The following PRMT3 variants were observed in gnomAD, a reference collection of about 807,000 sequenced individuals.
PRMT3 encodes the protein protein arginine N-methyltransferase 3.
PRMT3 carries 62 observed loss-of-function variants against 71.9 expected under a neutral mutation model. The ratio of observed to expected loss-of-function variants is 0.86; its 90% CI spans 0.70 to 1.07. PRMT3 has a LOEUF of 1.07. Ranked by LOEUF, PRMT3 falls within the 50% of genes least tolerant of loss-of-function variation. The pLI is 0.00. For synonymous variants in PRMT3, 213 were observed against 220.4 expected (o/e 0.97, Z 0.30); for missense variants, 663 against 643.0 (o/e 1.03, Z -0.34).
At chr11:20,436,810 G>C (rs1849771370) in intron 10 of PRMT3, among the ~76,000 whole-genome samples, 1 of 152,092 alleles carries the variant, frequency 6.6e-6, no homozygotes, top group Non-Finnish European at 1.5e-5. Flanking sequence ...GAATGAGTTT[G>C]GAAGAAATCC....
intron 15 of PRMT3, among the ~76,000 whole-genome samples, chr11:20,498,126 A>G (rs1444959795): frequency 6.6e-6 from 1 of 152,230 alleles, no homozygotes; most frequent in Non-Finnish European, 1.5e-5. Flanking sequence ...TCCAAAATAA[A>G]GCAAGGAGAG....
At chr11:20,466,039 A>G (rs1159294558) in intron 13 of PRMT3, among the ~76,000 whole-genome samples, 1 of 152,232 alleles carries the variant, frequency 6.6e-6, no homozygotes, top group East Asian at 1.9e-4. Flanking sequence ...ACATGAATCA[A>G]AATAGAGCAG....
At chr11:20,497,119 T>A (rs938253061) in intron 15 of PRMT3, among the ~76,000 whole-genome samples, 19 of 152,224 alleles carry the variant, frequency 1.2e-4, no homozygotes, top group African/African-American at 4.3e-4. Flanking sequence ...GTTCATGTTT[T>A]AATCGTGAGG....
chr11:20,469,969 A>C (rs1850604436), intron 13 of PRMT3, among the ~76,000 whole-genome samples: 1 of 152,204 alleles, frequency 6.6e-6, no homozygotes, highest in African/African-American at 2.4e-5. Context: ...AGACTTTTTT[A>C]ATACAGTCAT....
Position 20,459,652 on chromosome 11 carries a change from C to T in PRMT3, c.1073-2328C>T, listed in dbSNP as rs1045059472. 5.9e-5 allele frequency among the ~76,000 whole-genome samples: 9 copies of T among 152,120 alleles called. No individual in the cohort carries two copies. In the South Asian group the frequency reaches 8.3e-4, roughly 14 times the overall value. ...ATTATGTTCCTCTTTAATGATGAAACGACAGGGCATAATGTGGGAAAGCTT... is the reference window on the plus strand; with the variant it reads ...ATTATGTTCCTCTTTAATGATGAAATGACAGGGCATAATGTGGGAAAGCTT... On this transcript the variant is annotated intron_variant, in intron 11 of 15. Transcript: ENST00000331079.
At chr11:20,396,027 A>T in intron 6 of PRMT3, 65 bp downstream of exon 6, 1 of 1,375,916 alleles carries the variant, frequency 7.3e-7, no homozygotes, top group Non-Finnish European at 1.0e-6. Context: ...CTAATGGCAA[A>T]GTAGAATATA....
At chr11:20,479,260 G>T (rs187330698) in intron 13 of PRMT3, among the ~76,000 whole-genome samples, 1 of 152,086 alleles carries the variant, frequency 6.6e-6, no homozygotes, top group Admixed American at 6.6e-5. Context: ...AAATCTCTTC[G>T]TTTATTCTCA....
At chr11:20,425,000 A>G (rs1342618372) in intron 9 of PRMT3, among the ~76,000 whole-genome samples, 1 of 151,838 alleles carries the variant, frequency 6.6e-6, no homozygotes, top group African/African-American at 2.4e-5. Flanking sequence ...GCTACTCAGG[A>G]GTCTGAGGTG....
intron 15 of PRMT3, among the ~76,000 whole-genome samples, chr11:20,500,085 A>G (rs1851423091): frequency 6.6e-6 from 1 of 152,246 alleles, no homozygotes; most frequent in Admixed American, 6.5e-5. Flanking sequence ...GGCAGGGATC[A>G]GCACAGACAG....
chr11:20,391,397 C>T lies in PRMT3; in HGVS notation c.248-814C>T, dbSNP rs963007128. Among the ~76,000 whole-genome samples the T allele has an allele frequency of 2.0e-5, 3 of 152,130 alleles. No homozygotes were observed. The East Asian group carries it at 5.9e-4, about 30-fold the overall frequency. ...AGTAGCTGGGATTATAGGCATGCGC[C>T]ACCACACTGGCTAATTTTGTATTTT... On this transcript the variant is annotated intron_variant, in intron 3 of 15. Transcript: ENST00000331079.
At chr11:20,476,738 C>A (rs1850797241) in intron 13 of PRMT3, among the ~76,000 whole-genome samples, 1 of 98,822 alleles carries the variant, frequency 1.0e-5, no homozygotes, top group African/African-American at 4.1e-5. Flanking sequence ...TGTACAATTT[C>A]TATTTTCATT....
chr11:20,462,301 A>T, intron 12 of PRMT3, 134 bp downstream of exon 12: 1 of 633,892 alleles, frequency 1.6e-6, no homozygotes, highest in Non-Finnish European at 2.5e-6. Flanking sequence ...GTCTAAAACA[A>T]ATTGAGGTCA....
At chr11:20,466,668 A>T (rs563201462) in intron 13 of PRMT3, among the ~76,000 whole-genome samples, 1 of 152,330 alleles carries the variant, frequency 6.6e-6, no homozygotes, top group South Asian at 2.1e-4. Flanking sequence ...GAAGGTTTGT[A>T]TTAAATGAAA....
chr11:20,420,490 T>C (rs902494573), intron 9 of PRMT3, among the ~76,000 whole-genome samples: 2 of 152,120 alleles, frequency 1.3e-5, no homozygotes, highest in African/African-American at 4.8e-5. Context: ...GTGAACATAA[T>C]CGTCTGAGCG....
chr11:20,485,519 A>G (rs1207494799), intron 13 of PRMT3, among the ~76,000 whole-genome samples: 1 of 152,208 alleles, frequency 6.6e-6, no homozygotes, highest in African/African-American at 2.4e-5. Flanking sequence ...TACGGTTTGG[A>G]AAAGAATTGA....
Position 20,454,857 on chromosome 11 carries a change from A to G in PRMT3, c.1072+2649A>G, listed in dbSNP as rs561222205. On this transcript the variant is annotated intron_variant, in intron 11 of 15. Coordinates refer to ENST00000331079, the MANE Select transcript of PRMT3 (RefSeq NM_005788.4). ...AAGTTCAATTTATGTCTCACCATAC[A>G]TATTATGGTGAGCAGTAAAGGCTTT... is the stretch of plus-strand genomic sequence containing the variant. 1.4e-4 allele frequency among the ~76,000 whole-genome samples: 21 copies of G among 152,214 alleles called. No homozygotes were observed. In the South Asian group the frequency reaches 4.1e-3, roughly 30 times the overall value.
At chr11:20,483,004 A>T (rs566565261) in intron 13 of PRMT3, among the ~76,000 whole-genome samples, 15 of 152,090 alleles carry the variant, frequency 9.9e-5, no homozygotes, top group African/African-American at 3.6e-4. Context: ...TTTCTACCTT[A>T]CTTTTCAAAA....
chr11:20,417,795 CACAG>C (rs1472704057), intron 9 of PRMT3, among the ~76,000 whole-genome samples: 2 of 152,040 alleles, frequency 1.3e-5, no homozygotes, highest in Non-Finnish European at 2.9e-5. Flanking sequence ...CACACACACA[CACAG>C]GAGGCAGTTG....
At chr11:20,477,801 AAC>A (rs1491584229) in intron 13 of PRMT3, among the ~76,000 whole-genome samples, 1 of 93,242 alleles carries the variant, frequency 1.1e-5, no homozygotes, top group East Asian at 3.3e-4. Flanking sequence ...GCTTAGGAGA[AAC>A]CCCCCCCCCC....
Sources: gnomAD v4.1 joint callset for allele counts (sites outside exome capture counted in the v4.1 genomes callset) on GRCh38, gnomAD v4.1.1 for gene constraint, MANE v1.5 for transcripts, NCBI Gene and HGNC (gene_info 2026-07-23, HGNC 2026-07-21) for gene names.